The following KCTD16 variants were observed in gnomAD, a reference collection of about 807,000 sequenced individuals.
KCTD16 encodes the protein BTB/POZ domain-containing protein KCTD16.
KCTD16 carries 13 observed loss-of-function variants against 33.2 expected under a neutral mutation model. The observed-to-expected ratio is 0.39, with a 90% CI of 0.25 to 0.62. The LOEUF (loss-of-function observed/expected upper bound fraction) is 0.62. KCTD16 is among the 20% of genes least tolerant of loss of function. KCTD16 has a pLI of 0.50. For synonymous variants in KCTD16, 197 were observed against 195.3 expected, an observed-to-expected ratio of 1.01 and a Z score of -0.07; for missense variants, 441 against 525.1, an observed-to-expected ratio of 0.84 and a Z score of 1.57.
rs770488488 is a variant in KCTD16 at position 144,403,111 on chromosome 5, A to G, written c.833-70549A>G. Among the ~76,000 whole-genome samples the G allele has an allele frequency of 8.6e-5, 13 of 152,016 alleles. 1 individual carries two copies. Among genetic ancestry groups the G allele is most frequent in the Admixed American group, 6.5e-5 (1 of 15,268 alleles). ...CCTGCCTCCCTCTTGGGTTCTTGTG[A>G]TTACATCGGGCACACCTGGATAATC... On this transcript the variant is annotated intron_variant, in intron 3 of 3. Transcript: ENST00000512467.
intron 3 of KCTD16, among the ~76,000 whole-genome samples, chr5:144,437,914 G>A (rs1367831351): frequency 6.6e-6 from 1 of 152,116 alleles, no homozygotes; most frequent in Non-Finnish European, 1.5e-5. Context: ...ATCCGCATGT[G>A]GCTATTGGAC....
chr5:144,365,972 C>T (rs1036780679), intron 3 of KCTD16, among the ~76,000 whole-genome samples: 5 of 152,106 alleles, frequency 3.3e-5, no homozygotes, highest in Non-Finnish European at 5.9e-5. Context: ...TAGAAAGATA[C>T]TCAAGAAACT....
chr5:144,253,018 A>C (rs1280642680), intron 3 of KCTD16, among the ~76,000 whole-genome samples: 2 of 151,286 alleles, frequency 1.3e-5, no homozygotes, highest in Non-Finnish European at 2.9e-5. Context: ...GCTTGGAGCC[A>C]TTTCTAATTC....
intron 3 of KCTD16, among the ~76,000 whole-genome samples, chr5:144,459,503 A>G (rs1423384134): frequency 5.3e-5 from 8 of 151,426 alleles, no homozygotes; most frequent in Admixed American, 5.3e-4. Flanking sequence ...AGGTGTACCA[A>G]CACGTCTCAC....
rs1262426333 is a variant in KCTD16, at chr5:144,475,818, G to T, written c.*1704G>T. 1 of 152,530 alleles carries T rather than the reference G, an allele frequency of 6.6e-6. No homozygotes were observed. The highest frequency in any genetic ancestry group is 1.5e-5 in the Non-Finnish European group (1 of 68,024). The allele number at this position is 152,530 out of a possible 1,614,324, so 9.4% of individuals were successfully genotyped here. Reference sequence around the variant, plus strand: ...TGTTCTGTCTTGATTTCTGTTCTTAGTGATGATTAGTATATGAATATCTTT... The same window carrying T: ...TGTTCTGTCTTGATTTCTGTTCTTATTGATGATTAGTATATGAATATCTTT... On this transcript the variant is annotated 3_prime_UTR_variant, in exon 4 of 4. Transcript: ENST00000512467.
chr5:144,361,947 TGA>T (rs1264280204), intron 3 of KCTD16, among the ~76,000 whole-genome samples: 1 of 141,704 alleles, frequency 7.1e-6, no homozygotes, highest in Non-Finnish European at 1.5e-5. Context: ...TGTGTGTGTG[TGA>T]TATATTTATC....
At chr5:144,256,945 T>TA (rs1754865739) in intron 3 of KCTD16, among the ~76,000 whole-genome samples, 2 of 152,138 alleles carry the variant, frequency 1.3e-5, no homozygotes, top group Admixed American at 1.3e-4. Flanking sequence ...CTCCACCCCT[T>TA]AACTGTCTTT....
intron 3 of KCTD16, among the ~76,000 whole-genome samples, chr5:144,229,544 C>T (rs1200987944): frequency 1.3e-5 from 2 of 152,164 alleles, no homozygotes; most frequent in African/African-American, 2.4e-5. Context: ...GAAAGGGCCA[C>T]AAATTATATT....
Position 144,474,192 on chromosome 5 carries a change from G to GA in KCTD16, c.*85dup, listed in dbSNP as rs1297557536. The GA allele has an allele frequency of 1.5e-5, 17 of 1,145,260 alleles. No homozygotes were observed. The South Asian group carries it at 1.9e-4, about 13-fold the overall frequency. The allele number at this position is 1,145,260 out of a possible 1,614,324, so 70.9% of individuals were successfully genotyped here. ...CCTAAAAGGAATTCATATTTTAAAGGAAAAAAATACAACTAATGATGCACA... is the reference window on the plus strand; with the variant it reads ...CCTAAAAGGAATTCATATTTTAAAGGAAAAAAAATACAACTAATGATGCACA... On this transcript the variant is annotated 3_prime_UTR_variant, in exon 4 of 4. Coordinates refer to ENST00000512467, the MANE Select transcript of KCTD16 (RefSeq NM_020768.4).
Position 144,207,420 on chromosome 5 carries a change from G to A in KCTD16, c.706G>A (p.Ala236Thr). Residue 236 changes from alanine (A) to threonine (T), a missense_variant, in exon 3 of 4, where the codon GCT becomes ACT. Physicochemically the swap from Ala to Thr is moderately conservative, Grantham distance 58. This residue lies in a region of KCTD16 where 355 missense variants were observed against 413.0 expected (regional missense o/e 0.86). Transcript: ENST00000512467. Reference protein sequence around the residue: ...FYLKFKHLERAFDMLSECGFH... With the variant: ...FYLKFKHLERTFDMLSECGFH... ...TCTCAAATTCAAGCACCTGGAAAGG[G>A]CTTTTGATATGTTGTCAGAGTGTGG... 2 of 1,614,194 alleles carry A rather than the reference G, an allele frequency of 1.2e-6. No homozygotes were observed. Among genetic ancestry groups the A allele is most frequent in the Non-Finnish European group, 1.7e-6 (2 of 1,180,030 alleles).
chr5:144,222,543 G>T (rs12332618), intron 3 of KCTD16, among the ~76,000 whole-genome samples: 12,699 of 152,164 alleles, frequency 0.083, 1,629 homozygotes, highest in African/African-American at 0.28. Context: ...ATGAAAAAAT[G>T]CTCATCATTG....
At chr5:144,252,699 C>A (rs943632316) in intron 3 of KCTD16, among the ~76,000 whole-genome samples, 4 of 150,974 alleles carry the variant, frequency 2.6e-5, no homozygotes, top group African/African-American at 9.7e-5. Context: ...AGGCTCATGT[C>A]AGAAAACCTT....
Position 144,186,364 on chromosome 5 carries a change from G to A in KCTD16, c.-327+11892G>A, listed in dbSNP as rs12520193. 7.2e-3 allele frequency among the ~76,000 whole-genome samples: 1,027 copies of A among 141,794 alleles called. 4 individuals carry two copies. The highest frequency in any genetic ancestry group is 0.011 in the African/African-American group (425 of 38,470). The allele number at this position is 141,794 out of a possible 152,430, so 93.0% of individuals were successfully genotyped here. ...ATCTCATTTTTTTTAAAAAAAAAAAGAAAAAAAAAAAAACTAATGGCTTAT... is the reference window on the plus strand; with the variant it reads ...ATCTCATTTTTTTTAAAAAAAAAAAAAAAAAAAAAAAAACTAATGGCTTAT... On this transcript the variant is annotated intron_variant, in intron 2 of 3. Coordinates refer to ENST00000512467, the MANE Select transcript of KCTD16 (RefSeq NM_020768.4).
At chr5:144,278,875 T>C (rs946996443) in intron 3 of KCTD16, among the ~76,000 whole-genome samples, 2 of 152,224 alleles carry the variant, frequency 1.3e-5, no homozygotes, top group Non-Finnish European at 2.9e-5. Context: ...GCATTTGGAT[T>C]GTATTATACG....
chr5:144,410,576 A>C (rs1201963897), intron 3 of KCTD16, among the ~76,000 whole-genome samples: 6 of 152,042 alleles, frequency 3.9e-5, no homozygotes, highest in Non-Finnish European at 2.9e-5. Flanking sequence ...TGTGTATTCC[A>C]AAGTTGGACC....
chr5:144,378,048 C>T (rs933633981), intron 3 of KCTD16, among the ~76,000 whole-genome samples: 4 of 152,134 alleles, frequency 2.6e-5, no homozygotes, highest in African/African-American at 9.6e-5. Flanking sequence ...TATAAGAAAA[C>T]AAAGGAACTT....
At chr5:144,319,016 A>C (rs933134576) in intron 3 of KCTD16, among the ~76,000 whole-genome samples, 7 of 152,182 alleles carry the variant, frequency 4.6e-5, no homozygotes, top group Non-Finnish European at 8.8e-5. Flanking sequence ...TAAAATAATT[A>C]AAGCAATATT....
intron 3 of KCTD16, among the ~76,000 whole-genome samples, chr5:144,440,729 G>C (rs760352760): frequency 6.6e-6 from 1 of 151,660 alleles, no homozygotes; most frequent in Non-Finnish European, 1.5e-5. Context: ...GAATAATGTT[G>C]AGTTTTTTTA....
At chr5:144,307,978 G>A (rs1457210858) in intron 3 of KCTD16, among the ~76,000 whole-genome samples, 3 of 152,222 alleles carry the variant, frequency 2.0e-5, no homozygotes, top group South Asian at 2.1e-4. Context: ...AAGAACAGCC[G>A]AATGTTAACC....
Sources: gnomAD v4.1 joint callset for allele counts (sites outside exome capture counted in the v4.1 genomes callset) on GRCh38, gnomAD v4.1.1 for gene constraint, gnomAD v4.1.1 regional missense constraint, MANE v1.5 for transcripts, NCBI Gene and HGNC (gene_info 2026-07-23, HGNC 2026-07-21) for gene names.